The following PRDM16 variants were observed in gnomAD, a reference collection of about 807,000 sequenced individuals.
The protein encoded by PRDM16 is PR/SET domain 16, also known as histone-lysine N-methyltransferase PRDM16.
A neutral mutation model predicts 110.6 loss-of-function variants in PRDM16; 23 were observed. That is an observed-to-expected ratio of 0.21 (90% CI 0.15 to 0.29). The LOEUF (loss-of-function observed/expected upper bound fraction) is 0.29, where lower values mean the gene tolerates loss of function less well. Ranked by LOEUF, PRDM16 falls within the 10% of genes least tolerant of loss-of-function variation. The pLI is 1.00. For synonymous variants in PRDM16, 799 were observed against 781.8 expected, an observed-to-expected ratio of 1.02 and a Z score of -0.37; for missense variants, 1,615 against 1,794.3, an observed-to-expected ratio of 0.90 and a Z score of 1.81.
rs574134997 is a variant in PRDM16, at chr1:3,398,314, T to C, written c.676+1721T>C. ...CATTTTCCTAATAATTTATCAAACA[T>C]TTGTGGGCTAATTGCTTGCCACACA... On this transcript the variant is annotated intron_variant, in intron 5 of 16. Transcript: ENST00000270722. Among the ~76,000 whole-genome samples, 266 of 152,294 alleles carry C rather than the reference T, an allele frequency of 1.7e-3. 1 individual carries two copies. Among genetic ancestry groups the C allele is most frequent in the East Asian group, 5.8e-4 (3 of 5,184 alleles).
chr1:3,413,134 C>T (rs1643722164), intron 9 of PRDM16, among the ~76,000 whole-genome samples: 1 of 151,228 alleles, frequency 6.6e-6, no homozygotes, highest in Admixed American at 6.6e-5. Context: ...CCCCACCCCC[C>T]ACCCCAACCC....
chr1:3,245,019 TAG>T lies in PRDM16; in HGVS notation c.438+889_438+890del, dbSNP rs1309042332. ...CTTTGCTTTAAAGCAAGATAAAATT[TAG>T]AGAGAGTCACATTTACACATCCCCA... On this transcript the variant is annotated intron_variant, in intron 3 of 16. Transcript: ENST00000270722. This position sits in a 1 kb window ranked among gnomAD's most constrained non-coding sequence, Gnocchi z 4.7. 6.6e-6 allele frequency among the ~76,000 whole-genome samples: 1 copy of T among 152,058 alleles called. No homozygotes were observed. The highest frequency in any genetic ancestry group is 2.4e-5 in the African/African-American group (1 of 41,412).
At chr1:3,429,938 C>T (rs1040398461) in intron 14 of PRDM16, among the ~76,000 whole-genome samples, 4 of 152,222 alleles carry the variant, frequency 2.6e-5, no homozygotes, top group Non-Finnish European at 5.9e-5. Flanking sequence ...ATCTCACCCA[C>T]ACCGTGGATA....
intron 3 of PRDM16, among the ~76,000 whole-genome samples, chr1:3,372,927 C>T (rs1005089638): frequency 1.5e-4 from 23 of 152,170 alleles, no homozygotes; most frequent in Non-Finnish European, 2.9e-4. Context: ...TGATGCAGAG[C>T]CTGCGGGCTC....
At chr1:3,324,426 C>G (rs552423877) in intron 3 of PRDM16, among the ~76,000 whole-genome samples, 2 of 152,226 alleles carry the variant, frequency 1.3e-5, no homozygotes, top group Non-Finnish European at 2.9e-5. Context: ...ACACTCCCCG[C>G]GATGCTCCTG....
At chr1:3,225,573 T>TGCGCGCGCGCGC (rs138962991) in intron 2 of PRDM16, among the ~76,000 whole-genome samples, 98 of 129,898 alleles carry the variant, frequency 7.5e-4, no homozygotes, top group African/African-American at 2.6e-3. Flanking sequence ...TGTGTGTGTG[T>TGCGCGCGCGCGC]GCGCGCGCGC....
intron 3 of PRDM16, among the ~76,000 whole-genome samples, chr1:3,303,108 T>A (rs1641240563): frequency 6.6e-6 from 1 of 152,184 alleles, no homozygotes; most frequent in Non-Finnish European, 1.5e-5. Context: ...ACCATATAAT[T>A]TTCCCTTTGG....
intron 3 of PRDM16, among the ~76,000 whole-genome samples, chr1:3,277,449 C>G (rs562304922): frequency 6.2e-4 from 94 of 152,366 alleles, no homozygotes; most frequent in Non-Finnish European, 1.2e-3. Context: ...CGCACTTGCT[C>G]AGGCCTCTCC....
At chr1:3,093,639 G>A (rs1208028570) in intron 1 of PRDM16, among the ~76,000 whole-genome samples, 5 of 152,154 alleles carry the variant, frequency 3.3e-5, no homozygotes, top group African/African-American at 1.2e-4. Context: ...TGAGTTCTCG[G>A]AGGCTGCATG....
intron 1 of PRDM16, among the ~76,000 whole-genome samples, chr1:3,178,101 C>T (rs953414774): frequency 6.6e-6 from 1 of 152,110 alleles, no homozygotes; most frequent in Non-Finnish European, 1.5e-5. Context: ...CGGTGTTTGG[C>T]GAGCTGAGGA....
At chr1:3,140,094 T>C (rs534749541) in intron 1 of PRDM16, among the ~76,000 whole-genome samples, 1 of 152,362 alleles carries the variant, frequency 6.6e-6, no homozygotes, top group South Asian at 2.1e-4. Context: ...ACCAGCATGT[T>C]AGAAAAGCGG....
At chr1:3,254,967 C>T (rs1396465266) in intron 3 of PRDM16, among the ~76,000 whole-genome samples, 1 of 152,142 alleles carries the variant, frequency 6.6e-6, no homozygotes, top group Admixed American at 6.5e-5. Context: ...AGATATAGAT[C>T]GATGGAACAG....
In PRDM16 at chr1:3,096,844, C is replaced by T. The variant is rs556132679; in HGVS notation, c.37+27548C>T. On this transcript the variant is annotated intron_variant, in intron 1 of 16. Transcript: ENST00000270722. ...CTTGTGCCAAGGACGGGAGTCTGGG[C>T]GGCTTCTGCCCACCACCAGGTGAGA... Among the ~76,000 whole-genome samples, 13 of 152,294 alleles carry T rather than the reference C, an allele frequency of 8.5e-5. No homozygotes were observed. In the South Asian group the frequency reaches 2.5e-3, roughly 29 times the overall value.
chr1:3,431,704 G>T (rs2493274), intron 15 of PRDM16, among the ~76,000 whole-genome samples: 2 of 152,124 alleles, frequency 1.3e-5, no homozygotes, highest in South Asian at 2.1e-4. Flanking sequence ...ACCCTCCACT[G>T]GCAAGACCTG....
chr1:3,210,377 C>T (rs1048064099), intron 2 of PRDM16, among the ~76,000 whole-genome samples: 8 of 152,254 alleles, frequency 5.3e-5, no homozygotes, highest in Non-Finnish European at 1.2e-4. Context: ...AGGCTTTCCC[C>T]CCTCAGATTC....
intron 15 of PRDM16, among the ~76,000 whole-genome samples, chr1:3,431,508 G>C (rs1449296848): frequency 4.6e-5 from 7 of 152,250 alleles, no homozygotes; most frequent in African/African-American, 1.7e-4. Flanking sequence ...ACTTCCCCAT[G>C]TCCTCAGTGT....
intron 3 of PRDM16, among the ~76,000 whole-genome samples, chr1:3,318,010 T>G (rs551716906): frequency 2.0e-5 from 3 of 152,264 alleles, no homozygotes; most frequent in African/African-American, 7.2e-5. Flanking sequence ...GAGAGGCACA[T>G]GAAAGGAAGC....
intron 2 of PRDM16, among the ~76,000 whole-genome samples, chr1:3,215,861 C>T (rs1261661010): frequency 6.6e-6 from 1 of 152,188 alleles, no homozygotes; most frequent in Non-Finnish European, 1.5e-5. Context: ...TTCCCCGGCT[C>T]CTCAGCCTCA....
In PRDM16 at chr1:3,353,746, G is replaced by A. The variant is rs913279214; in HGVS notation, c.439-31406G>A. Among the ~76,000 whole-genome samples the A allele has an allele frequency of 6.6e-6, 1 of 152,200 alleles. No individual in the cohort carries two copies. The highest frequency in any genetic ancestry group is 1.5e-5 in the Non-Finnish European group (1 of 68,022). ...CGAAGCAGCCAGAGAGTGGCCAAGGGGGTTGCACTTGGGGCCGGACCTCCT... is the reference window on the plus strand; with the variant it reads ...CGAAGCAGCCAGAGAGTGGCCAAGGAGGTTGCACTTGGGGCCGGACCTCCT... On this transcript the variant is annotated intron_variant, in intron 3 of 16. Coordinates refer to ENST00000270722, the MANE Select transcript of PRDM16 (RefSeq NM_022114.4). The surrounding 1 kb of genome is among the most constrained non-coding windows in gnomAD (Gnocchi z 5.4).
Sources: gnomAD v4.1 joint callset for allele counts (sites outside exome capture counted in the v4.1 genomes callset) on GRCh38, gnomAD v4.1.1 for gene constraint, Gnocchi (gnomAD v3.1) non-coding constraint, MANE v1.5 for transcripts, NCBI Gene and HGNC (gene_info 2026-07-23, HGNC 2026-07-21) for gene names.